DGKH: variants seen among roughly 807,000 people sequenced by gnomAD.
DGKH encodes the protein DAG kinase eta.
Under a neutral mutation model 159.3 loss-of-function variants are expected in DGKH, and 90 were observed. The ratio of observed to expected loss-of-function variants is 0.57; its 90% CI spans 0.48 to 0.67. The LOEUF is 0.67. Ranked by LOEUF, DGKH falls within the 30% of genes least tolerant of loss-of-function variation. The pLI, the probability that DGKH is intolerant of heterozygous loss-of-function variation, is 0.00. For missense variants in DGKH, 1,181 were observed against 1,506.1 expected (o/e 0.78, Z 3.57); for synonymous variants, 536 against 553.8 (o/e 0.97, Z 0.45).
intron 1 of DGKH, among the ~76,000 whole-genome samples, chr13:42,041,075 G>T (rs899991547): frequency 1.3e-5 from 2 of 151,992 alleles, no homozygotes; most frequent in African/African-American, 4.8e-5. Context: ...TTCCTCCGCC[G>T]CCCGGGCTCC....
chr13:42,200,582 C>T (rs184879716), intron 20 of DGKH, among the ~76,000 whole-genome samples: 1 of 152,148 alleles, frequency 6.6e-6, no homozygotes, highest in African/African-American at 2.4e-5. Context: ...CTTTTTGTAA[C>T]TATATATTTT....
At chr13:42,167,095 T>G (rs1268963274) in intron 9 of DGKH, among the ~76,000 whole-genome samples, 1 of 152,130 alleles carries the variant, frequency 6.6e-6, no homozygotes, top group Non-Finnish European at 1.5e-5. Flanking sequence ...TTCAAGGATC[T>G]CAGACTCAGT....
At chr13:42,076,462 A>C (rs1033389687) in intron 1 of DGKH, among the ~76,000 whole-genome samples, 10 of 152,174 alleles carry the variant, frequency 6.6e-5, no homozygotes, top group Non-Finnish European at 1.5e-4. Flanking sequence ...AAAGAAAATC[A>C]ACCCCCAACA....
At chr13:42,188,960 T>TA in intron 14 of DGKH, 76 bp from the exon 15 acceptor site, 3 of 1,507,494 alleles carry the variant, frequency 2.0e-6, no homozygotes, top group Non-Finnish European at 2.7e-6. Flanking sequence ...AACATCTCTA[T>TA]AAAAATTTCT....
intron 12 of DGKH, 49 bp downstream of exon 12, chr13:42,174,193 G>GA: frequency 1.5e-6 from 2 of 1,362,570 alleles, no homozygotes; most frequent in Non-Finnish European, 2.1e-6. Context: ...TGGATATCTT[G>GA]AGAAAAAAAA....
intron 5 of DGKH, among the ~76,000 whole-genome samples, chr13:42,157,920 C>T (rs573156480): frequency 9.2e-5 from 14 of 152,204 alleles, no homozygotes; most frequent in South Asian, 2.1e-4. Flanking sequence ...CCATCACACC[C>T]GGCTAATTTT....
At chr13:42,190,054 G>C (rs1481800823) in intron 15 of DGKH, among the ~76,000 whole-genome samples, 1 of 152,108 alleles carries the variant, frequency 6.6e-6, no homozygotes, top group Non-Finnish European at 1.5e-5. Flanking sequence ...TTTAATTAAT[G>C]TGTATATTAA....
chr13:42,125,148 C>G (rs1245377098), intron 1 of DGKH, among the ~76,000 whole-genome samples: 1 of 152,198 alleles, frequency 6.6e-6, no homozygotes, highest in African/African-American at 2.4e-5. Context: ...AGCACACTCC[C>G]TGTTGTGTCC....
intron 1 of DGKH, among the ~76,000 whole-genome samples, 163 bp downstream of exon 1, chr13:42,049,128 A>T: frequency 2.2e-5 from 1 of 45,172 alleles, no homozygotes; most frequent in Non-Finnish European, 4.4e-5. Flanking sequence ...GAAGGCGGGG[A>T]AGGCGGGGAT....
downstream of DGKH, among the ~76,000 whole-genome samples, chr13:42,245,964 T>C (rs1958577341): frequency 6.6e-6 from 1 of 152,238 alleles, no homozygotes; most frequent in Non-Finnish European, 1.5e-5. Flanking sequence ...AATTGTATTA[T>C]ATATCCTAAT....
intron 3 of DGKH, among the ~76,000 whole-genome samples, chr13:42,142,331 A>G (rs1458816502): frequency 6.6e-6 from 1 of 152,000 alleles, no homozygotes; most frequent in Non-Finnish European, 1.5e-5. Flanking sequence ...AGGTAGCGTG[A>G]TGCCTCCAGC....
intron 1 of DGKH, among the ~76,000 whole-genome samples, chr13:42,103,713 CAT>C (rs1954693859): frequency 6.6e-6 from 1 of 152,158 alleles, no homozygotes; most frequent in African/African-American, 2.4e-5. Context: ...AAGGAATCCT[CAT>C]AAGCAATTTA....
chr13:42,229,006 C>T, intron 29 of DGKH, 93 bp from the exon 30 acceptor site: 1 of 1,104,040 alleles, frequency 9.1e-7, no homozygotes, highest in Non-Finnish European at 1.3e-6. Context: ...TTTCAATAAA[C>T]TTTTTTCCTT....
chr13:42,117,967 C>T (rs1954994420), intron 1 of DGKH, among the ~76,000 whole-genome samples: 1 of 152,126 alleles, frequency 6.6e-6, no homozygotes, highest in African/African-American at 2.4e-5. Flanking sequence ...CCTGTAATCC[C>T]AGCACTTTGG....
chr13:42,203,877 T>C (rs1957401081), intron 20 of DGKH, among the ~76,000 whole-genome samples: 1 of 152,188 alleles, frequency 6.6e-6, no homozygotes, highest in Non-Finnish European at 1.5e-5. Context: ...ATGGGGCTAC[T>C]GGAAATATTT....
intron 2 of DGKH, among the ~76,000 whole-genome samples, chr13:42,128,680 A>T (rs1955222224): frequency 6.6e-6 from 1 of 152,002 alleles, no homozygotes; most frequent in South Asian, 2.1e-4. Context: ...ATCATCTGTG[A>T]TCTTCTATAG....
intron 1 of DGKH, chr13:42,070,729 C>G: frequency 6.2e-7 from 1 of 1,607,536 alleles, no homozygotes; most frequent in Non-Finnish European, 8.5e-7. Flanking sequence ...CAGTAAAGGG[C>G]CCTGCTCCAG....
intron 12 of DGKH, 89 bp downstream of exon 12, chr13:42,174,233 A>C (rs1193338849): frequency 6.5e-6 from 7 of 1,080,318 alleles, no homozygotes; most frequent in South Asian, 1.4e-5. Context: ...TACTCCTAAT[A>C]TATTGTGGTA....
intron 3 of DGKH, among the ~76,000 whole-genome samples, chr13:42,138,399 T>A (rs560154447): frequency 6.6e-6 from 1 of 152,302 alleles, no homozygotes; most frequent in East Asian, 1.9e-4. Context: ...GAAACTGAAA[T>A]TTCCTTGCAG....
Sources: gnomAD v4.1 joint callset for allele counts (sites outside exome capture counted in the v4.1 genomes callset) on GRCh38, gnomAD v4.1.1 for gene constraint, MANE v1.5 for transcripts, NCBI Gene and HGNC (gene_info 2026-07-23, HGNC 2026-07-21) for gene names.